GOLGA6L9: variants seen among roughly 807,000 people sequenced by gnomAD.
GOLGA6L9 encodes the protein golgin A6 family like 9, also known as golgin subfamily A member 6-like protein 9.
In GOLGA6L9, 19 loss-of-function variants were observed where a neutral mutation model predicts 51.3. The observed-to-expected ratio is 0.37, with a 90% CI of 0.26 to 0.54. GOLGA6L9 has a LOEUF of 0.54. Among genes scored for constraint, GOLGA6L9 ranks in the 20% least tolerant of loss-of-function variants. The probability of loss-of-function intolerance (pLI) is 0.83; values close to 1 mark genes in which losing one functional copy is unlikely to be tolerated. For missense variants in GOLGA6L9, 247 were observed against 464.1 expected (o/e 0.53, Z 4.30); for synonymous variants, 97 against 184.2 (o/e 0.53, Z 3.83).
chr15:82,420,620 TC>T, the GOLGA6L9 span, among the ~76,000 whole-genome samples: 1 of 152,112 alleles, frequency 6.6e-6, no homozygotes, highest in African/African-American at 2.4e-5. Flanking sequence ...AGGTAACTTG[TC>T]CAAAGTCACA....
rs1283132296 is a variant in GOLGA6L9 at position 82,436,587 on chromosome 15, T to C, written c.*176T>C. 3.3e-5 allele frequency: 20 copies of C among 607,560 alleles called. No individual in the cohort carries two copies. The highest frequency in any genetic ancestry group is 8.9e-5 in the South Asian group (3 of 33,832). The allele number at this position is 607,560 out of a possible 1,614,324, so 37.6% of individuals were successfully genotyped here. On this transcript the variant is annotated 3_prime_UTR_variant, in exon 9 of 9. Coordinates refer to ENST00000618348, the MANE Select transcript of GOLGA6L9 (RefSeq NM_198181.4). ...AAATTTATTTGTTTCTAATTTATAG[T>C]TTAAATTTATTTGTGTTTCTAATTT...
In GOLGA6L9 at chr15:82,437,916, C is replaced by T. The variant is rs1310771012; in HGVS notation, c.*1505C>T. On this transcript the variant is annotated 3_prime_UTR_variant, in exon 9 of 9. Transcript: ENST00000618348. ...ACAAAGAGTGAAATATGTTTTTATA[C>T]CTCTCAGTTTCAGTTAGAGGCATAT... The T allele has an allele frequency of 6.6e-6, 1 of 151,106 alleles. No individual in the cohort carries two copies. The highest frequency in any genetic ancestry group is 1.5e-5 in the Non-Finnish European group (1 of 67,788). The allele number at this position is 151,106 out of a possible 1,614,324, so 9.4% of individuals were successfully genotyped here. A position where few individuals can be genotyped will look rare whatever the true frequency, so the allele number is the denominator to read the frequency against.
rs1447554455 is a variant in GOLGA6L9 at position 82,437,739 on chromosome 15, A to G, written c.*1328A>G. 10 of 149,796 alleles carry G rather than the reference A, an allele frequency of 6.7e-5. No individual in the cohort carries two copies. The highest frequency in any genetic ancestry group is 2.5e-4 in the African/African-American group (10 of 40,570). The allele number at this position is 149,796 out of a possible 1,614,324, so 9.3% of individuals were successfully genotyped here. On this transcript the variant is annotated 3_prime_UTR_variant, in exon 9 of 9. Coordinates refer to ENST00000618348, the MANE Select transcript of GOLGA6L9 (RefSeq NM_198181.4). ...TTGAAACAAAAAGGAGTTTTAGTAG[A>G]CAGTATTATACTACATTTGAAAATC...
At chr15:82,417,927 G>T in the GOLGA6L9 span, among the ~76,000 whole-genome samples, 1 of 152,236 alleles carries the variant, frequency 6.6e-6, no homozygotes, top group Non-Finnish European at 1.5e-5. Context: ...AAATGTTTCA[G>T]AAATCAAATA....
rs1327391443 is a variant in GOLGA6L9, at chr15:82,434,487, A to T, written c.887A>T (p.Gln296Leu). ...RLRQQDERLW[Q>L]QETLRELERL... ...CGGCAACAGGATGAGAGGCTGTGGC[A>T]GCAGGAGACTCTGCGGGAGCTGGAG... The change falls in exon 6 of 9, where the codon CAG becomes CTG. Residue 296 changes from glutamine to leucine, a missense_variant. Coordinates refer to ENST00000618348, the MANE Select transcript of GOLGA6L9 (RefSeq NM_198181.4). 11 of 1,569,330 alleles carry T rather than the reference A, an allele frequency of 7.0e-6. No homozygotes were observed.
rs1370770236 is a variant in GOLGA6L9 at position 82,434,518 on chromosome 15, G to A, written c.918G>A (p.Leu306=). ...QQETLRELER[L]RELERMLELG... is the part of the protein sequence containing the mutation. ...AGACTCTGCGGGAGCTGGAGAGGCT[G>A]CGGGAGCTGGAGAGGATGCTGGAGC... is the stretch of plus-strand genomic sequence containing the variant. Residue 306 remains leucine (L), a synonymous_variant, in exon 6 of 9, where the codon CTG becomes CTA. Coordinates refer to ENST00000618348, the MANE Select transcript of GOLGA6L9 (RefSeq NM_198181.4). The A allele has an allele frequency of 2.4e-5, 38 of 1,570,108 alleles. No individual in the cohort carries two copies. Among genetic ancestry groups the A allele is most frequent in the Non-Finnish European group, 3.1e-5 (36 of 1,165,478 alleles).
At chr15:82,424,315 G>C in the GOLGA6L9 span, among the ~76,000 whole-genome samples, 1 of 151,800 alleles carries the variant, frequency 6.6e-6, no homozygotes, top group East Asian at 1.9e-4. Context: ...GAGGTGATCC[G>C]CCCACCTTGG....
the GOLGA6L9 span, among the ~76,000 whole-genome samples, chr15:82,416,279 ATG>A: frequency 6.6e-6 from 1 of 152,192 alleles, no homozygotes; most frequent in African/African-American, 2.4e-5. Context: ...AATATTGCTG[ATG>A]TAATATTTTG....
upstream of GOLGA6L9, among the ~76,000 whole-genome samples, chr15:82,429,815 G>GCC (rs2031342201): frequency 1.3e-5 from 2 of 152,112 alleles, no homozygotes; most frequent in Non-Finnish European, 2.9e-5. Context: ...AGAGTGGGCG[G>GCC]CCTCTCCCCT....
At chr15:82,433,321 A>G (rs1445618670) in intron 4 of GOLGA6L9, among the ~76,000 whole-genome samples, 1 of 151,922 alleles carries the variant, frequency 6.6e-6, no homozygotes, top group Non-Finnish European at 1.5e-5. Context: ...AAAGTCAGAG[A>G]TTTAAAGGCC....
At chr15:82,429,235 T>A (rs2031309918), upstream of GOLGA6L9, among the ~76,000 whole-genome samples, 1 of 151,526 alleles carries the variant, frequency 6.6e-6, no homozygotes, top group African/African-American at 2.4e-5. Flanking sequence ...CCACCACACC[T>A]GGTTAGTTTT....
rs1169905677 is a variant in GOLGA6L9, at chr15:82,432,816, G to T, written c.265-1G>T. 6.2e-7 allele frequency: 1 copy of T among 1,611,898 alleles called. No individual in the cohort carries two copies. The highest frequency in any genetic ancestry group is 1.3e-5 in the African/African-American group (1 of 74,626). Reference sequence around the variant, plus strand: ...ACTCCTTCTCTCTGCATGCACCTCAGAGCCAGTACCAAGAACTAGCAGTAG... The same window carrying T: ...ACTCCTTCTCTCTGCATGCACCTCATAGCCAGTACCAAGAACTAGCAGTAG... On this transcript the variant is annotated splice_acceptor_variant, in intron 3 of 8. Transcript: ENST00000618348. LOFTEE classifies it high-confidence loss of function.
rs2031683322 is a variant in GOLGA6L9 at position 82,436,506 on chromosome 15, A to G, written c.*95A>G. ...CTTCATTTGAATGTTAGAGCCACTT[A>G]TGTTTGTGTTTCTAATTTATAGTTT... On this transcript the variant is annotated 3_prime_UTR_variant, in exon 9 of 9. Transcript: ENST00000618348. 1 of 1,506,442 alleles carries G rather than the reference A, an allele frequency of 6.6e-7. No individual in the cohort carries two copies. The highest frequency in any genetic ancestry group is 8.9e-7 in the Non-Finnish European group (1 of 1,123,682). 93.3% of individuals were successfully genotyped at this position (1,506,442 alleles called of 1,614,324 possible).
rs1371673833 is a variant in GOLGA6L9 at position 82,429,964 on chromosome 15, G to A, written c.-116G>A. On this transcript the variant is annotated 5_prime_UTR_variant, in exon 1 of 9. Coordinates refer to ENST00000618348, the MANE Select transcript of GOLGA6L9 (RefSeq NM_198181.4). ...TGACCAATGGGCTTGGAACATTAAG[G>A]CCACGCCCCTATTCTGCGTTCCATT... is the stretch of plus-strand genomic sequence containing the variant. 7.5e-5 allele frequency: 81 copies of A among 1,081,896 alleles called. No individual in the cohort carries two copies. Among genetic ancestry groups the A allele is most frequent in the Non-Finnish European group, 1.1e-4 (78 of 702,230 alleles). 67.0% of individuals were successfully genotyped at this position (1,081,896 alleles called of 1,614,324 possible). A position where few individuals can be genotyped will look rare whatever the true frequency, so the allele number is the denominator to read the frequency against.
chr15:82,419,431 G>A, the GOLGA6L9 span: 272 of 153,252 alleles, frequency 1.8e-3, 1 homozygote, highest in Admixed American at 3.9e-3. Flanking sequence ...GGCGGATCAC[G>A]AGGTCAAGAG....
chr15:82,418,008 A>C, the GOLGA6L9 span, among the ~76,000 whole-genome samples: 7 of 152,336 alleles, frequency 4.6e-5, no homozygotes, highest in South Asian at 1.2e-3. Flanking sequence ...TTTTTCTTTT[A>C]GATTTTCTTT....
At chr15:82,424,074 TTTTG>T in the GOLGA6L9 span, among the ~76,000 whole-genome samples, 115 of 146,540 alleles carry the variant, frequency 7.8e-4, no homozygotes, top group African/African-American at 2.8e-3. Flanking sequence ...TTTAAGCTGA[TTTTG>T]TTTTTGTTTT....
At chr15:82,433,145 G>T (rs1391380144) in intron 4 of GOLGA6L9, among the ~76,000 whole-genome samples, 2 of 151,126 alleles carry the variant, frequency 1.3e-5, no homozygotes, top group Admixed American at 6.6e-5. Context: ...ATGCCCTGGG[G>T]TTGTCACCTC....
At chr15:82,432,510 T>A in intron 2 of GOLGA6L9, 62 bp from the exon 3 acceptor site, 1 of 1,578,416 alleles carries the variant, frequency 6.3e-7, no homozygotes. Context: ...AGAAAGGAAG[T>A]CAGAGGGCTT....
Sources: allele counts gnomAD v4.1 joint callset (sites outside exome capture counted in the v4.1 genomes callset), GRCh38; gene constraint gnomAD v4.1.1; transcripts MANE v1.5; gene names NCBI Gene and HGNC (gene_info 2026-07-23, HGNC 2026-07-21).